Variants in ZBTB7C observed in about 807,000 individuals in gnomAD.
ZBTB7C encodes zinc finger and BTB domain containing 7C, also known as zinc finger and BTB domain-containing protein 7C.
In ZBTB7C, 8 loss-of-function variants were observed where a neutral mutation model predicts 25.7. That is an observed-to-expected ratio of 0.31 (90% confidence interval 0.18 to 0.56). The LOEUF (loss-of-function observed/expected upper bound fraction) is 0.56, where lower values mean the gene tolerates loss of function less well. Ranked by LOEUF, ZBTB7C falls within the 20% of genes least tolerant of loss-of-function variation. The probability of loss-of-function intolerance (pLI) is 0.91; values close to 1 mark genes in which losing one functional copy is unlikely to be tolerated. For synonymous variants in ZBTB7C, 394 were observed against 369.0 expected (o/e 1.07, Z -0.78); for missense variants, 824 against 855.2 (o/e 0.96, Z 0.46).
At chr18:48,194,184 A>G (rs2042264579) in intron 2 of ZBTB7C, among the ~76,000 whole-genome samples, 1 of 152,196 alleles carries the variant, frequency 6.6e-6, no homozygotes, top group African/African-American at 2.4e-5. Context: ...TGGCTGCCCA[A>G]TCTGGGTCCT....
chr18:48,348,876 G>A (rs2046800398), intron 1 of ZBTB7C, among the ~76,000 whole-genome samples: 1 of 152,210 alleles, frequency 6.6e-6, no homozygotes, highest in African/African-American at 2.4e-5. Flanking sequence ...GAGTGCCAGT[G>A]AGGTCATTCC....
intron 3 of ZBTB7C, among the ~76,000 whole-genome samples, chr18:48,073,276 C>T (rs922921630): frequency 6.6e-6 from 1 of 152,122 alleles, no homozygotes; most frequent in African/African-American, 2.4e-5. Flanking sequence ...GGGAAAGAAA[C>T]CCCACCCTCA....
chr18:48,148,665 G>C lies in ZBTB7C; in HGVS notation c.-17+37269C>G, dbSNP rs144585336. 142 of 152,282 alleles carry C rather than the reference G, an allele frequency of 9.3e-4. 1 individual carries two copies. The highest frequency in any genetic ancestry group is 3.2e-3 in the African/African-American group (134 of 41,554). 9.4% of individuals were successfully genotyped at this position (152,282 alleles called of 1,614,324 possible). A position where few individuals can be genotyped will look rare whatever the true frequency, so the allele number is the denominator to read the frequency against. On this transcript the variant is annotated intron_variant, in intron 3 of 4. Transcript: ENST00000590800. ...GAGAAGATCTACCCAAAATCTGTAG[G>C]TGCTATAGGCAAAATCTGGTGACGA...
In ZBTB7C at chr18:48,040,709, C is replaced by G. The variant is rs370314645; in HGVS notation, c.399G>C (p.Gly133=). The G allele has an allele frequency of 1.6e-4, 251 of 1,613,936 alleles. 1 individual carries two copies. The South Asian group carries it at 2.0e-3, about 13-fold the overall frequency. Residue 133 remains glycine (G), a synonymous_variant, in exon 4 of 5, where the codon GGG becomes GGC. Coordinates refer to ENST00000590800, the MANE Select transcript of ZBTB7C (RefSeq NM_001318841.2). ...CLEIMEPGGD[G]GEEDDKEDDD... is the part of the protein sequence containing the mutation. ...CGTCCTCCTTGTCATCCTCCTCCCC[C>G]CCGTCCCCCCCAGGCTCCATGATCT... is the stretch of plus-strand genomic sequence containing the variant.
intron 3 of ZBTB7C, among the ~76,000 whole-genome samples, chr18:48,153,494 G>C (rs1354021836): frequency 6.6e-6 from 1 of 152,182 alleles, no homozygotes; most frequent in African/African-American, 2.4e-5. Flanking sequence ...ATTAGGGCAT[G>C]AGAAAGACCC....
intron 2 of ZBTB7C, among the ~76,000 whole-genome samples, chr18:48,214,547 T>G (rs1343987446): frequency 6.6e-6 from 1 of 152,238 alleles, no homozygotes; most frequent in African/African-American, 2.4e-5. Flanking sequence ...AAAACCAAGA[T>G]GGCCACCCTC....
intron 3 of ZBTB7C, among the ~76,000 whole-genome samples, chr18:48,062,803 G>A (rs1388005599): frequency 1.3e-5 from 2 of 152,236 alleles, no homozygotes; most frequent in African/African-American, 4.8e-5. Flanking sequence ...GCCTTTTATG[G>A]TTGAGGATGC....
chr18:48,062,337 C>A (rs1357612400), intron 3 of ZBTB7C, among the ~76,000 whole-genome samples: 1 of 152,164 alleles, frequency 6.6e-6, no homozygotes, highest in Non-Finnish European at 1.5e-5. Flanking sequence ...CCAGGGAGGA[C>A]CTGGATTAGC....
intron 3 of ZBTB7C, among the ~76,000 whole-genome samples, chr18:48,060,324 T>C (rs1209481981): frequency 6.6e-6 from 1 of 152,172 alleles, no homozygotes; most frequent in Non-Finnish European, 1.5e-5. Flanking sequence ...GGAGCGGGGA[T>C]GGGGATGGCC....
chr18:48,176,644 A>AGTGTGTGTGT (rs2041689319), intron 3 of ZBTB7C, among the ~76,000 whole-genome samples: 1 of 59,422 alleles, frequency 1.7e-5, no homozygotes, highest in Non-Finnish European at 4.1e-5. Context: ...TGTGTGTGTA[A>AGTGTGTGTGT]GAAAGAACAC....
intron 2 of ZBTB7C, among the ~76,000 whole-genome samples, chr18:48,254,020 C>A (rs2043947224): frequency 6.6e-6 from 1 of 152,208 alleles, no homozygotes; most frequent in Admixed American, 6.5e-5. Flanking sequence ...AGAAGTGAAT[C>A]TCATGAGAAT....
At chr18:48,402,214 G>A (rs75485550) in intron 1 of ZBTB7C, among the ~76,000 whole-genome samples, 5,281 of 151,086 alleles carry the variant, frequency 0.035, 309 homozygotes, top group African/African-American at 0.12. Flanking sequence ...CATGAATCCA[G>A]TGATGTGGGT....
chr18:48,281,063 AG>A (rs1186687178), intron 2 of ZBTB7C, among the ~76,000 whole-genome samples: 2 of 152,106 alleles, frequency 1.3e-5, no homozygotes, highest in Non-Finnish European at 2.9e-5. Flanking sequence ...CATGTTGGCC[AG>A]ACTGGTCTCG....
chr18:48,079,291 G>T (rs2037891894), intron 3 of ZBTB7C, among the ~76,000 whole-genome samples: 1 of 152,212 alleles, frequency 6.6e-6, no homozygotes, highest in African/African-American at 2.4e-5. Flanking sequence ...CCTTATTATG[G>T]GGTCCATGGT....
intron 1 of ZBTB7C, among the ~76,000 whole-genome samples, chr18:48,361,649 C>T (rs1476057318): frequency 6.6e-6 from 1 of 152,184 alleles, no homozygotes; most frequent in Non-Finnish European, 1.5e-5. Context: ...GGTCTCAACC[C>T]CAGGGCACAC....
At chr18:48,095,308 C>T (rs1029566325) in intron 3 of ZBTB7C, among the ~76,000 whole-genome samples, 2 of 152,152 alleles carry the variant, frequency 1.3e-5, no homozygotes, top group African/African-American at 4.8e-5. Context: ...TAGACCTAAA[C>T]TATCCTTCAA....
intron 2 of ZBTB7C, among the ~76,000 whole-genome samples, chr18:48,214,457 G>A (rs1310767178): frequency 6.6e-6 from 1 of 152,154 alleles, no homozygotes; most frequent in African/African-American, 2.4e-5. Context: ...CATGTTGGCA[G>A]GACTGGTTTC....
chr18:48,033,009 T>A (rs1285871136), intron 4 of ZBTB7C, among the ~76,000 whole-genome samples: 3 of 152,108 alleles, frequency 2.0e-5, no homozygotes, highest in Non-Finnish European at 2.9e-5. Context: ...CAGAGGCATA[T>A]GGTATAGAGG....
intron 3 of ZBTB7C, among the ~76,000 whole-genome samples, chr18:48,082,148 A>T (rs947454231): frequency 6.6e-6 from 1 of 152,164 alleles, no homozygotes; most frequent in African/African-American, 2.4e-5. Flanking sequence ...GTTGAAATTA[A>T]AACAGTCCCC....
Sources: allele counts gnomAD v4.1 joint callset (sites outside exome capture counted in the v4.1 genomes callset), GRCh38; gene constraint gnomAD v4.1.1; transcripts MANE v1.5; gene names NCBI Gene and HGNC (gene_info 2026-07-23, HGNC 2026-07-21).